CALN1: variants seen among roughly 807,000 people sequenced by gnomAD.
The protein encoded by CALN1 is calneuron 1, also known as calcium-binding protein 8.
CALN1 carries 17 observed loss-of-function variants against 30.6 expected under a neutral mutation model. That is an observed-to-expected ratio of 0.56 (90% CI 0.38 to 0.83). The LOEUF is 0.83. Among genes scored for constraint, CALN1 ranks in the 40% least tolerant of loss-of-function variants. CALN1 has a pLI of 0.00. For synonymous variants in CALN1, 156 were observed against 131.4 expected (o/e 1.19, Z -1.28); for missense variants, 291 against 354.9 (o/e 0.82, Z 1.45).
chr7:72,355,252 G>A (rs1423159036), intron 2 of CALN1, among the ~76,000 whole-genome samples: 1 of 152,196 alleles, frequency 6.6e-6, no homozygotes, highest in South Asian at 2.1e-4. Flanking sequence ...TTGGCCGGCC[G>A]CTGTGGCTAA....
intron 2 of CALN1, among the ~76,000 whole-genome samples, chr7:72,304,283 C>A (rs1776529673): frequency 6.6e-6 from 1 of 152,220 alleles, no homozygotes; most frequent in South Asian, 2.1e-4. Flanking sequence ...CCACGTTCTT[C>A]CTGTCTTTCA....
At chr7:72,173,570 C>T (rs1789128760) in intron 3 of CALN1, among the ~76,000 whole-genome samples, 1 of 151,802 alleles carries the variant, frequency 6.6e-6, no homozygotes. Context: ...TTCTGAAGGC[C>T]CAGTCAAAAG....
the CALN1 span, among the ~76,000 whole-genome samples, chr7:72,481,518 T>C: frequency 2.0e-5 from 3 of 152,220 alleles, no homozygotes; most frequent in Non-Finnish European, 4.4e-5. Flanking sequence ...CATTTTGGGT[T>C]TATTTTGCTC....
intron 5 of CALN1, among the ~76,000 whole-genome samples, chr7:71,829,345 A>C (rs73701381): frequency 0.02 from 3,093 of 152,216 alleles, 89 homozygotes; most frequent in African/African-American, 0.071. Context: ...AGGGCATGGA[A>C]ATGGATTCTT....
chr7:71,870,318 G>A lies in CALN1; in HGVS notation c.502-59826C>T, dbSNP rs376861259. Among the ~76,000 whole-genome samples the A allele has an allele frequency of 1.4e-4, 21 of 152,044 alleles. 1 individual carries two copies. In the East Asian group the frequency reaches 3.9e-3, roughly 28 times the overall value. ...GAATTCCTTGAACCTGGGAGGTGGA[G>A]GTTGCAGTGAGCCAAGATGGCACCA... is the stretch of plus-strand genomic sequence containing the variant. On this transcript the variant is annotated intron_variant, in intron 5 of 6. Transcript: ENST00000395275.
intron 4 of CALN1, among the ~76,000 whole-genome samples, chr7:72,028,051 T>G (rs1801194167): frequency 1.0e-5 from 1 of 99,256 alleles, no homozygotes; most frequent in African/African-American, 3.6e-5. Context: ...AGAGCGAGAC[T>G]CCGTCTCAAA....
chr7:71,978,262 C>CTATTTTTTTTTTTTT (rs1173448154), intron 5 of CALN1, among the ~76,000 whole-genome samples: 1 of 72,950 alleles, frequency 1.4e-5, no homozygotes, highest in Non-Finnish European at 2.6e-5. Context: ...CTAGAGAATT[C>CTATTTTTTTTTTTTT]TTTTTTTTTT....
chr7:72,111,630 T>G (rs943855030), intron 3 of CALN1, among the ~76,000 whole-genome samples: 1 of 152,142 alleles, frequency 6.6e-6, no homozygotes, highest in African/African-American at 2.4e-5. Flanking sequence ...TCATTTTTTG[T>G]AGAAACAGGG....
At chr7:72,327,535 C>T (rs1801366087) in intron 2 of CALN1, among the ~76,000 whole-genome samples, 1 of 152,114 alleles carries the variant, frequency 6.6e-6, no homozygotes, top group South Asian at 2.1e-4. Flanking sequence ...TTTTCTTTTC[C>T]TGTTTTCAAA....
At chr7:72,048,002 C>T (rs571916938) in intron 4 of CALN1, among the ~76,000 whole-genome samples, 1 of 151,200 alleles carries the variant, frequency 6.6e-6, no homozygotes. Flanking sequence ...GCACAGATTT[C>T]AGAGGCTTCA....
intron 5 of CALN1, among the ~76,000 whole-genome samples, chr7:71,812,929 C>CATCATCATCATCATT (rs1287091997): frequency 7.3e-5 from 10 of 136,506 alleles, no homozygotes; most frequent in South Asian, 2.5e-4. Flanking sequence ...TCATCATCAT[C>CATCATCATCATCATT]ATTATTATTA....
chr7:71,867,493 G>A (rs763519338), intron 5 of CALN1, among the ~76,000 whole-genome samples: 6 of 151,994 alleles, frequency 3.9e-5, no homozygotes, highest in South Asian at 2.1e-4. Flanking sequence ...GGAGTGCAGC[G>A]GTGCAATCTC....
chr7:72,021,414 C>A (rs1385814107), intron 5 of CALN1, among the ~76,000 whole-genome samples: 1 of 152,106 alleles, frequency 6.6e-6, no homozygotes, highest in African/African-American at 2.4e-5. Flanking sequence ...CAAAAGATGG[C>A]CAGATGGGAA....
upstream of CALN1, among the ~76,000 whole-genome samples, chr7:72,448,060 TCACA>T (rs537536401): frequency 6.1e-4 from 90 of 147,954 alleles, no homozygotes; most frequent in African/African-American, 2.1e-3. Context: ...TCATGCACAC[TCACA>T]CACATGCCTG....
chr7:72,344,875 AATATATAAATAGCATATATTTATATC>A (rs964183324), intron 2 of CALN1, among the ~76,000 whole-genome samples: 8 of 147,652 alleles, frequency 5.4e-5, no homozygotes, highest in African/African-American at 2.0e-4. Context: ...ATAACACATA[AATATATAAATAGCATATATTTATATC>A]ATATATAAAT....
Position 72,374,849 on chromosome 7 carries a change from C to G in CALN1, c.119+28402G>C, listed in dbSNP as rs1412493018. On this transcript the variant is annotated intron_variant, in intron 2 of 6. Transcript: ENST00000395275. ...CCACATATTTTGCTCAAATGAAAACCTGTAAATAGCTCAACCTCTCAATTT... is the reference window on the plus strand; with the variant it reads ...CCACATATTTTGCTCAAATGAAAACGTGTAAATAGCTCAACCTCTCAATTT... Among the ~76,000 whole-genome samples the G allele has an allele frequency of 2.6e-5, 4 of 152,104 alleles. No individual in the cohort carries two copies. The East Asian group carries it at 7.7e-4, about 29-fold the overall frequency.
At chr7:72,168,109 C>T (rs1788656264) in intron 3 of CALN1, among the ~76,000 whole-genome samples, 1 of 152,164 alleles carries the variant, frequency 6.6e-6, no homozygotes, top group South Asian at 2.1e-4. Flanking sequence ...CTCAGGGATA[C>T]AGTGATGGCT....
At chr7:72,301,911 A>G (rs1466775816) in intron 2 of CALN1, among the ~76,000 whole-genome samples, 1 of 152,222 alleles carries the variant, frequency 6.6e-6, no homozygotes, top group Non-Finnish European at 1.5e-5. Context: ...AGACACTTCA[A>G]GAAAACCAGT....
intron 4 of CALN1, among the ~76,000 whole-genome samples, chr7:72,063,740 T>G (rs888721995): frequency 2.0e-5 from 3 of 152,162 alleles, no homozygotes; most frequent in Non-Finnish European, 2.9e-5. Context: ...ACATTTTGAG[T>G]GACAACCTGA....
Sources: allele counts gnomAD v4.1 joint callset (sites outside exome capture counted in the v4.1 genomes callset), GRCh38; gene constraint gnomAD v4.1.1; transcripts MANE v1.5; gene names NCBI Gene and HGNC (gene_info 2026-07-23, HGNC 2026-07-21).